VPS28: variants seen among roughly 807,000 people sequenced by gnomAD.
VPS28 encodes the protein VPS28 subunit of ESCRT-I, also known as vacuolar protein sorting-associated protein 28 homolog.
VPS28 carries 29 observed loss-of-function variants against 33.7 expected under a neutral mutation model. The observed-to-expected ratio is 0.86, with a 90% confidence interval of 0.64 to 1.17. VPS28 has a LOEUF of 1.17. VPS28 is among the 50% of genes most tolerant of loss of function. The pLI is 0.00. For synonymous variants in VPS28, 164 were observed against 116.7 expected, an observed-to-expected ratio of 1.40 and a Z score of -2.61; for missense variants, 247 against 312.2, an observed-to-expected ratio of 0.79 and a Z score of 1.57.
chr8:144,426,839 C>T (rs1822791558), intron 2 of VPS28, 70 bp downstream of exon 2: 3 of 1,578,854 alleles, frequency 1.9e-6, no homozygotes, highest in Middle Eastern at 1.7e-4. Flanking sequence ...CCCCGATCCC[C>T]AATACCCAAT....
chr8:144,424,273 G>C lies in VPS28; in HGVS notation c.403-5C>G. 1 of 1,599,164 alleles carries C rather than the reference G, an allele frequency of 6.3e-7. No individual in the cohort carries two copies. Among genetic ancestry groups the C allele is most frequent in the Non-Finnish European group, 8.5e-7 (1 of 1,171,990 alleles). On this transcript the variant is annotated splice_region_variant and splice_polypyrimidine_tract_variant and intron_variant, in intron 7 of 9. Coordinates refer to ENST00000292510, the MANE Select transcript of VPS28 (RefSeq NM_016208.4). Reference sequence around the variant, plus strand: ...GTCCATGACCGTGATGAAGAGCTGGGGGCAGGTGTGCACATGAGGCTCGCG... The same window carrying C: ...GTCCATGACCGTGATGAAGAGCTGGCGGCAGGTGTGCACATGAGGCTCGCG...
At position 144,424,952 on chromosome 8, in the gene VPS28, C is replaced by T; in HGVS notation, c.294G>A (p.Lys98=). The change falls in exon 6 of 10, where the codon AAG becomes AAA. Residue 98 remains lysine (K), a synonymous_variant. Transcript: ENST00000292510. The part of the protein sequence containing the change: ...EISSIDEFCR[K]FRLDCPLAME... ...GGAAGGACCAGGCACTCACGCGGAA[C>T]TTGCGGCAGAATTCGTCAATAGAGC... The T allele has an allele frequency of 6.3e-7, 1 of 1,578,044 alleles. No individual in the cohort carries two copies. Among genetic ancestry groups the T allele is most frequent in the Non-Finnish European group, 8.6e-7 (1 of 1,160,946 alleles).
chr8:144,426,826 C>A, intron 2 of VPS28, 83 bp downstream of exon 2: 1 of 1,516,480 alleles, frequency 6.6e-7, no homozygotes, highest in South Asian at 1.2e-5. Context: ...GATACCTCCC[C>A]ACCCCCGATC....
chr8:144,426,564 C>A (rs912950485), intron 2 of VPS28: 2 of 431,588 alleles, frequency 4.6e-6, no homozygotes, highest in Non-Finnish European at 8.4e-6. Flanking sequence ...GCGGAGTCAC[C>A]TGCACAACAG....
At chr8:144,425,204 T>G in intron 5 of VPS28, 153 bp from the exon 6 acceptor site, 1 of 674,808 alleles carries the variant, frequency 1.5e-6, no homozygotes, top group Non-Finnish European at 2.5e-6. Context: ...CTAGTAGCTT[T>G]TGGGGGTGAG....
At position 144,426,960 on chromosome 8, in the gene VPS28, G is replaced by C. The variant is rs532984905; in HGVS notation, c.-15C>G. On this transcript the variant is annotated 5_prime_UTR_variant, in exon 2 of 10. Transcript: ENST00000292510. ...CCATGAAACATCCTCTAGGCTCTGG[G>C]GGGGGCACAGCACTGAGACCTGGGG... 2.4e-5 allele frequency: 39 copies of C among 1,612,062 alleles called. No homozygotes were observed. Among genetic ancestry groups the C allele is most frequent in the Middle Eastern group, 1.6e-4 (1 of 6,080 alleles).
Position 144,423,794 on chromosome 8 carries a change from G to A in VPS28, c.*11C>T. The A allele has an allele frequency of 6.2e-7, 1 of 1,613,088 alleles. No homozygotes were observed. Among genetic ancestry groups the A allele is most frequent in the Non-Finnish European group, 8.5e-7 (1 of 1,180,030 alleles). ...ACTCTGCCCTTCTGTGCAAGGGCTAGTGCCCCGGGCTCAGGCATGCAGGAA... is the reference window on the plus strand; with the variant it reads ...ACTCTGCCCTTCTGTGCAAGGGCTAATGCCCCGGGCTCAGGCATGCAGGAA... On this transcript the variant is annotated 3_prime_UTR_variant, in exon 10 of 10. Coordinates refer to ENST00000292510, the MANE Select transcript of VPS28 (RefSeq NM_016208.4).
At chr8:144,425,858 G>A (rs1822695587) in intron 4 of VPS28, 86 bp from the exon 5 acceptor site, 1 of 1,589,146 alleles carries the variant, frequency 6.3e-7, no homozygotes, top group Non-Finnish European at 8.6e-7. Flanking sequence ...AGGTGCCACT[G>A]CGGGCGCTCT....
chr8:144,425,923 C>G, intron 4 of VPS28, 103 bp downstream of exon 4: 1 of 1,480,026 alleles, frequency 6.8e-7, no homozygotes. Context: ...CAGACTGACC[C>G]TGCGTCCTCC....
At position 144,425,694 on chromosome 8, in the gene VPS28, G is replaced by A. The variant is rs201521014; in HGVS notation, c.183C>T (p.Val61=). Residue 61 remains valine, a synonymous_variant, in exon 5 of 10, where the codon GTC becomes GTT. Coordinates refer to ENST00000292510, the MANE Select transcript of VPS28 (RefSeq NM_016208.4). The part of the protein sequence containing the change: ...ALEKAYIKDC[V]SPSEYTAACS... ...ACGTGGGCTCTTACTCGCTGGGGGAGACACAGTCCTTGATGTAGGCCTTCT... is the reference window on the plus strand; with the variant it reads ...ACGTGGGCTCTTACTCGCTGGGGGAAACACAGTCCTTGATGTAGGCCTTCT... 16 of 1,613,760 alleles carry A rather than the reference G, an allele frequency of 9.9e-6. No homozygotes were observed. In the African/African-American group the frequency reaches 1.1e-4, roughly 11 times the overall value.
At chr8:144,424,603 G>T in intron 7 of VPS28, 115 bp downstream of exon 7, 2 of 1,197,908 alleles carry the variant, frequency 1.7e-6, no homozygotes, top group Non-Finnish European at 2.4e-6. Context: ...GTTCCCTTCT[G>T]CCCAGCAAGT....
At chr8:144,426,334 G>T in intron 2 of VPS28, 126 bp from the exon 3 acceptor site, 1 of 1,305,050 alleles carries the variant, frequency 7.7e-7, no homozygotes, top group Non-Finnish European at 1.0e-6. Flanking sequence ...AGCCCAGAGG[G>T]AGCTGGAGCA....
chr8:144,427,156 G>A (rs1001644098), intron 1 of VPS28, 177 bp from the exon 2 acceptor site: 16 of 445,182 alleles, frequency 3.6e-5, no homozygotes, highest in Non-Finnish European at 4.6e-5. Context: ...AAAATTAGCC[G>A]GACGTTGTGG....
intron 3 of VPS28, 45 bp downstream of exon 3, chr8:144,426,135 A>T: frequency 6.3e-7 from 1 of 1,590,642 alleles, no homozygotes; most frequent in Non-Finnish European, 8.6e-7. Flanking sequence ...CCACACAGGC[A>T]TTTGCTGTTG....
Position 144,424,932 on chromosome 8 carries a change from G to T in VPS28, c.300+14C>A. The T allele has an allele frequency of 1.9e-6, 3 of 1,597,140 alleles. No homozygotes were observed. Among genetic ancestry groups the T allele is most frequent in the Middle Eastern group, 1.7e-4 (1 of 6,042 alleles). ...CAGTCTCGCCCCATGGGGGTGGAAG[G>T]ACCAGGCACTCACGCGGAACTTGCG... On this transcript the variant is annotated intron_variant, in intron 6 of 9. Coordinates refer to ENST00000292510, the MANE Select transcript of VPS28 (RefSeq NM_016208.4).
chr8:144,427,682 G>T (rs557737214), intron 1 of VPS28, among the ~76,000 whole-genome samples: 77 of 152,342 alleles, frequency 5.1e-4, no homozygotes, highest in African/African-American at 1.8e-3. Flanking sequence ...AATGAAGATG[G>T]AGAGGTGCCC....
At chr8:144,425,189 G>T (rs782121998) in intron 5 of VPS28, 138 bp from the exon 6 acceptor site, 5 of 728,632 alleles carry the variant, frequency 6.9e-6, no homozygotes, top group Non-Finnish European at 9.1e-6. Context: ...AAGGAGGAGG[G>T]GCTGCTAGTA....
Position 144,424,082 on chromosome 8 carries a change from G to A in VPS28, c.507C>T (p.His169=), listed in dbSNP as rs782634174. Residue 169 remains histidine, a synonymous_variant, in exon 9 of 10, where the codon CAC becomes CAT. Coordinates refer to ENST00000292510, the MANE Select transcript of VPS28 (RefSeq NM_016208.4). ...ELMETMHRMS[H]LPPDFEGRQT... is the part of the protein sequence containing the mutation. Reference sequence around the variant, plus strand: ...GGCGGCCCTCAAAGTCGGGTGGGAGGTGGCTCATGCGGTGCATGGTCTCCA... The same window carrying A: ...GGCGGCCCTCAAAGTCGGGTGGGAGATGGCTCATGCGGTGCATGGTCTCCA... 1 of 1,564,120 alleles carries A rather than the reference G, an allele frequency of 6.4e-7. No homozygotes were observed. Among genetic ancestry groups the A allele is most frequent in the African/African-American group, 1.4e-5 (1 of 74,062 alleles).
intron 2 of VPS28, 60 bp downstream of exon 2, chr8:144,426,849 T>A (rs1822792698): frequency 6.3e-7 from 1 of 1,591,982 alleles, no homozygotes; most frequent in Non-Finnish European, 8.6e-7. Context: ...CAATACCCAA[T>A]ACTGCCCGTC....
Sources: allele counts gnomAD v4.1 joint callset (sites outside exome capture counted in the v4.1 genomes callset), GRCh38; gene constraint gnomAD v4.1.1; transcripts MANE v1.5; gene names NCBI Gene and HGNC (gene_info 2026-07-23, HGNC 2026-07-21).